The following CBL variants were observed in gnomAD, a reference collection of about 807,000 sequenced individuals.
The protein encoded by CBL is Cbl proto-oncogene.
Under a neutral mutation model 96.9 loss-of-function variants are expected in CBL, and 45 were observed. That is an observed-to-expected ratio of 0.46 (90% CI 0.37 to 0.60). CBL has a LOEUF of 0.60. CBL is among the 20% of genes least tolerant of loss of function. The pLI is 0.00. For synonymous variants in CBL, 420 were observed against 426.8 expected, an observed-to-expected ratio of 0.98 and a Z score of 0.20; for missense variants, 1,024 against 1,143.5, an observed-to-expected ratio of 0.90 and a Z score of 1.51.
chr11:119,227,463 T>G (rs1373082416), intron 1 of CBL, among the ~76,000 whole-genome samples: 1 of 152,186 alleles, frequency 6.6e-6, no homozygotes, highest in Admixed American at 6.6e-5. Flanking sequence ...TTAGCCTCAA[T>G]GTCGCATCAG....
chr11:119,283,326 A>G (rs1949952578), intron 9 of CBL, among the ~76,000 whole-genome samples: 1 of 152,214 alleles, frequency 6.6e-6, no homozygotes, highest in Non-Finnish European at 1.5e-5. Context: ...TAAAGCAAAG[A>G]GTTAAAGATG....
chr11:119,226,767 A>G (rs985276571), intron 1 of CBL, among the ~76,000 whole-genome samples: 2 of 152,228 alleles, frequency 1.3e-5, no homozygotes, highest in African/African-American at 4.8e-5. Flanking sequence ...CTGAAGCAAG[A>G]CATTTTGATA....
At chr11:119,237,979 C>A (rs942885507) in intron 2 of CBL, among the ~76,000 whole-genome samples, 1 of 151,642 alleles carries the variant, frequency 6.6e-6, no homozygotes, top group Admixed American at 6.6e-5. Context: ...TCAAGCGAGT[C>A]TCCTGCCTCA....
chr11:119,217,121 G>A (rs1230367432), intron 1 of CBL, among the ~76,000 whole-genome samples: 1 of 152,030 alleles, frequency 6.6e-6, no homozygotes, highest in Admixed American at 6.6e-5. Context: ...CACCTAGCTC[G>A]TATCTTTTTT....
intron 2 of CBL, among the ~76,000 whole-genome samples, chr11:119,235,479 C>T (rs1949538341): frequency 6.6e-6 from 1 of 152,136 alleles, no homozygotes; most frequent in Non-Finnish European, 1.5e-5. Flanking sequence ...AATGGATCCT[C>T]ATAAAGGTCT....
intron 2 of CBL, among the ~76,000 whole-genome samples, chr11:119,251,429 T>C (rs1240671588): frequency 6.6e-6 from 1 of 152,228 alleles, no homozygotes; most frequent in Non-Finnish European, 1.5e-5. Context: ...TAATGAGCAG[T>C]TCTGTTTTGT....
In CBL at chr11:119,301,903, A is replaced by G. The variant is rs1324071487; in HGVS notation, c.*2122A>G. 4.3e-6 allele frequency: 1 copy of G among 233,156 alleles called. No homozygotes were observed. Among genetic ancestry groups the G allele is most frequent in the African/African-American group, 2.2e-5 (1 of 45,338 alleles). 14.4% of individuals were successfully genotyped at this position (233,156 alleles called of 1,614,324 possible). The stretch of plus-strand genomic sequence containing the variant: ...TGAAGGCCTAGACAAAGAACTAGAA[A>G]AAAAAAAGCAGTTTCCAGGCCCATC... On this transcript the variant is annotated 3_prime_UTR_variant, in exon 16 of 16. Transcript: ENST00000264033.
At chr11:119,275,974 C>T (rs556903350) in intron 5 of CBL, 23 bp from the exon 6 acceptor site, 8 of 1,612,984 alleles carry the variant, frequency 5.0e-6, no homozygotes, top group Non-Finnish European at 6.8e-6. Flanking sequence ...TCTACTAAAG[C>T]TTCTGTTTAT....
chr11:119,297,772 A>G (rs941444160), intron 14 of CBL, among the ~76,000 whole-genome samples: 1 of 152,208 alleles, frequency 6.6e-6, no homozygotes, highest in Non-Finnish European at 1.5e-5. Flanking sequence ...TATTTTCAGT[A>G]ATCTTTGGCA....
Position 119,256,695 on chromosome 11 carries a change from T to G in CBL, c.444-15040T>G, listed in dbSNP as rs543460381. Among the ~76,000 whole-genome samples, 461 of 151,998 alleles carry G rather than the reference T, an allele frequency of 3.0e-3. 6 individuals are homozygous for G. The Middle Eastern group carries it at 0.031, about 10-fold the overall frequency. On this transcript the variant is annotated intron_variant, in intron 2 of 15. Transcript: ENST00000264033. Reference sequence around the variant, plus strand: ...ACCCAGTATGTAGTTTGTTTTTTTTTTTTTTTAATCCCTCCCTGCCCTCCC... The same window carrying G: ...ACCCAGTATGTAGTTTGTTTTTTTTGTTTTTTAATCCCTCCCTGCCCTCCC...
Position 119,307,602 on chromosome 11 carries a change from CAA to C in CBL, c.*7824_*7825del, listed in dbSNP as rs1427890605. The C allele has an allele frequency of 4.3e-6, 1 of 231,856 alleles. No individual in the cohort carries two copies. Among genetic ancestry groups the C allele is most frequent in the East Asian group, 6.1e-5 (1 of 16,354 alleles). 14.4% of individuals were successfully genotyped at this position (231,856 alleles called of 1,614,324 possible). ...GTAATGTGACTATAGTGAGCTTTAG[CAA>C]AAGTTTTTCTATATAATGACATCTT... On this transcript the variant is annotated 3_prime_UTR_variant, in exon 16 of 16. Transcript: ENST00000264033.
intron 2 of CBL, among the ~76,000 whole-genome samples, chr11:119,259,887 T>G (rs1406214732): frequency 1.3e-5 from 2 of 152,208 alleles, no homozygotes; most frequent in Non-Finnish European, 2.9e-5. Flanking sequence ...ATTGTTCTTT[T>G]GTATCCTTCC....
intron 2 of CBL, among the ~76,000 whole-genome samples, chr11:119,268,535 A>T (rs980161353): frequency 6.6e-6 from 1 of 152,248 alleles, no homozygotes; most frequent in Non-Finnish European, 1.5e-5. Flanking sequence ...AGGTGCTAGC[A>T]TTCGAGTGGA....
At chr11:119,256,673 C>T (rs1400555663) in intron 2 of CBL, among the ~76,000 whole-genome samples, 3 of 150,354 alleles carry the variant, frequency 2.0e-5, no homozygotes, top group Non-Finnish European at 4.4e-5. Context: ...ACATTGTACC[C>T]AGTATGTAGT....
chr11:119,299,074 C>T (rs1487482262), intron 15 of CBL, among the ~76,000 whole-genome samples: 1 of 152,204 alleles, frequency 6.6e-6, no homozygotes, highest in Non-Finnish European at 1.5e-5. Flanking sequence ...CTTCGCTTGC[C>T]CAGACGAGCA....
At chr11:119,299,385 A>G in intron 15 of CBL, 110 bp from the exon 16 acceptor site, 1 of 988,890 alleles carries the variant, frequency 1.0e-6, no homozygotes, top group Non-Finnish European at 1.6e-6. Flanking sequence ...GAGCACATGT[A>G]CCCAGTTTAC....
At chr11:119,269,992 G>A (rs1334244360) in intron 2 of CBL, among the ~76,000 whole-genome samples, 8 of 142,960 alleles carry the variant, frequency 5.6e-5, no homozygotes, top group Non-Finnish European at 9.3e-5. Flanking sequence ...GCGAGACTCC[G>A]TCTCAAAATA....
intron 2 of CBL, among the ~76,000 whole-genome samples, chr11:119,238,468 C>T (rs1592380092): frequency 6.6e-6 from 1 of 151,672 alleles, no homozygotes; most frequent in Non-Finnish European, 1.5e-5. Flanking sequence ...CCTCGGCCTC[C>T]CAAAGTGCCG....
chr11:119,261,205 C>T (rs1006605186), intron 2 of CBL, among the ~76,000 whole-genome samples: 10 of 152,004 alleles, frequency 6.6e-5, no homozygotes, highest in East Asian at 1.9e-4. Flanking sequence ...TGAGCCACCG[C>T]GCCTGGCCTC....
Sources: gnomAD v4.1 joint callset for allele counts (sites outside exome capture counted in the v4.1 genomes callset) on GRCh38, gnomAD v4.1.1 for gene constraint, MANE v1.5 for transcripts, NCBI Gene and HGNC (gene_info 2026-07-23, HGNC 2026-07-21) for gene names.